SELENBP1: variants seen among roughly 807,000 people sequenced by gnomAD.
The protein encoded by SELENBP1 is selenium binding protein 1.
In SELENBP1, 71 loss-of-function variants were observed where a neutral mutation model predicts 61.0. The ratio of observed to expected loss-of-function variants is 1.16; its 90% CI spans 0.96 to 1.42. The LOEUF is 1.42. SELENBP1 is among the 40% of genes most tolerant of loss of function. The probability of loss-of-function intolerance (pLI) is 0.00; values close to 1 mark genes in which losing one functional copy is unlikely to be tolerated. For synonymous variants in SELENBP1, 270 were observed against 238.9 expected, an observed-to-expected ratio of 1.13 and a Z score of -1.20; for missense variants, 561 against 605.0, an observed-to-expected ratio of 0.93 and a Z score of 0.76.
At position 151,364,695 on chromosome 1, in the gene SELENBP1, C is replaced by T; in HGVS notation, c.1267G>A (p.Val423Met). ...FYPDLIREGS[V>M]MLQVDVDTVK... is the part of the protein sequence containing the mutation. ...GTGTCTACATCAACCTGCAGCATCA[C>T]AGAGCCTTCCCTGGTGGAAAAGGGA... The change falls in exon 12 of 12, where the codon GTG becomes ATG. Residue 423 changes from valine (V) to methionine (M), a missense_variant. Transcript: ENST00000368868. The T allele has an allele frequency of 1.3e-6, 2 of 1,586,314 alleles. No homozygotes were observed. Among genetic ancestry groups the T allele is most frequent in the Non-Finnish European group, 1.7e-6 (2 of 1,164,426 alleles).
At chr1:151,364,780 C>T (rs1479461877) in intron 11 of SELENBP1, 75 bp from the exon 12 acceptor site, 1 of 1,520,520 alleles carries the variant, frequency 6.6e-7, no homozygotes. Context: ...TAGGGGAAAG[C>T]TCCTGAGGAA....
chr1:151,366,313 C>T lies in SELENBP1; in HGVS notation c.805G>A (p.Ala269Thr), dbSNP rs368639322. The change falls in exon 7 of 12, where the codon GCA becomes ACA. Residue 269 changes from alanine to threonine, a missense_variant. By Grantham distance (58) the Ala-to-Thr change is moderately conservative. Coordinates refer to ENST00000368868, the MANE Select transcript of SELENBP1 (RefSeq NM_003944.4). The part of the protein sequence containing the change: ...PDAAQGFVGC[A>T]LSSTIQRFYK... Reference sequence around the variant, plus strand: ...AAGCGCTGGATGGTGGAGCTGAGTGCGCAGCCCACAAAGCCTTGGGCAGCG... The same window carrying T: ...AAGCGCTGGATGGTGGAGCTGAGTGTGCAGCCCACAAAGCCTTGGGCAGCG... 261 of 1,614,038 alleles carry T rather than the reference C, an allele frequency of 1.6e-4. 1 individual carries two copies. Among genetic ancestry groups the T allele is most frequent in the Middle Eastern group, 1.2e-3 (7 of 5,994 alleles).
In SELENBP1 at chr1:151,364,724, G is replaced by C; in HGVS notation, c.1257-19C>G. The C allele has an allele frequency of 1.3e-6, 2 of 1,560,458 alleles. No individual in the cohort carries two copies. The highest frequency in any genetic ancestry group is 1.2e-5 in the South Asian group (1 of 81,520). On this transcript the variant is annotated intron_variant, in intron 11 of 11. Transcript: ENST00000368868. ...GCCTTCCCTGGTGGAAAAGGGAATG[G>C]GGTAAGGGAGAGGTCAGAGGTGGCT... is the stretch of plus-strand genomic sequence containing the variant.
In SELENBP1 at chr1:151,369,103, G is replaced by A. The variant is rs1193716134; in HGVS notation, c.261C>T (p.Ser87=). 9.9e-6 allele frequency: 16 copies of A among 1,613,952 alleles called. 1 individual carries two copies. In the East Asian group the frequency reaches 3.3e-4, roughly 34 times the overall value. Reference sequence around the variant, plus strand: ...GCACCAGCTTGGTGCGCGACTTGGTGCTATCACCGAAGCAGCTGCTGCAGG... The same window carrying A: ...GCACCAGCTTGGTGCGCGACTTGGTACTATCACCGAAGCAGCTGCTGCAGG... ...WNTCSSCFGD[S]TKSRTKLVLP... Residue 87 remains serine, a synonymous_variant, in exon 4 of 12, where the codon AGC becomes AGT. Transcript: ENST00000368868.
Position 151,368,991 on chromosome 1 carries a change from G to A in SELENBP1, c.360+13C>T. 1 of 1,601,220 alleles carries A rather than the reference G, an allele frequency of 6.2e-7. No homozygotes were observed. The highest frequency in any genetic ancestry group is 8.5e-7 in the Non-Finnish European group (1 of 1,170,052). On this transcript the variant is annotated intron_variant, in intron 4 of 11. Coordinates refer to ENST00000368868, the MANE Select transcript of SELENBP1 (RefSeq NM_003944.4). ...CTTATGGTCTACTGAGCTGGCAAGG[G>A]CAGAGGACATGCCTTGTGCAGCTTT...
In SELENBP1 at chr1:151,364,995, C is replaced by A. The variant is rs763840951; in HGVS notation, c.1187G>T (p.Gly396Val). 2.5e-6 allele frequency: 4 copies of A among 1,613,030 alleles called. No individual in the cohort carries two copies. The Admixed American group carries it at 6.7e-5, about 27-fold the overall frequency. The change falls in exon 11 of 12, where the codon GGG becomes GTG. Residue 396 changes from glycine (G) to valine (V), a missense_variant. By Grantham distance (109) the Gly-to-Val change is moderately radical. Coordinates refer to ENST00000368868, the MANE Select transcript of SELENBP1 (RefSeq NM_003944.4). ...CGACGTGGTGATGTAGAGGCGCTTCCCATCCAGGCTGAGCTGGATCATCTG... is the reference window on the plus strand; with the variant it reads ...CGACGTGGTGATGTAGAGGCGCTTCACATCCAGGCTGAGCTGGATCATCTG... ...GPQMIQLSLD[G>V]KRLYITTSLY...
chr1:151,365,644 G>A lies in SELENBP1; in HGVS notation c.963C>T (p.Phe321=), dbSNP rs1309301454. The A allele has an allele frequency of 2.5e-6, 4 of 1,614,060 alleles. No individual in the cohort carries two copies. Among genetic ancestry groups the A allele is most frequent in the Non-Finnish European group, 3.4e-6 (4 of 1,180,044 alleles). ...TDILLSLDDR[F]LYFSNWLHGD... is the part of the protein sequence containing the mutation. ...CATGCAGCCAGTTGCTGAAGTAGAG[G>A]AAGCGGTCGTCCAGGGAGAGCAGGA... is the stretch of plus-strand genomic sequence containing the variant. Residue 321 remains phenylalanine (F), a synonymous_variant, in exon 9 of 12, where the codon TTC becomes TTT. Transcript: ENST00000368868.
chr1:151,364,681 A>G lies in SELENBP1; in HGVS notation c.1281T>C (p.Val427=). 1 of 1,599,180 alleles carries G rather than the reference A, an allele frequency of 6.3e-7. No individual in the cohort carries two copies. Residue 427 remains valine (V), a synonymous_variant, in exon 12 of 12, where the codon GTT becomes GTC. Transcript: ENST00000368868. ...LIREGSVMLQ[V]DVDTVKGGLK... The stretch of plus-strand genomic sequence containing the variant: ...GCCCTCCTTTTACTGTGTCTACATC[A>G]ACCTGCAGCATCACAGAGCCTTCCC...
Position 151,369,509 on chromosome 1 carries a change from G to A in SELENBP1, c.107C>T (p.Thr36Ile). The A allele has an allele frequency of 6.2e-7, 1 of 1,612,276 alleles. No individual in the cohort carries two copies. Among genetic ancestry groups the A allele is most frequent in the Non-Finnish European group, 8.5e-7 (1 of 1,179,360 alleles). Residue 36 changes from threonine to isoleucine, a missense_variant, in exon 3 of 12, where the codon ACA becomes ATA. Thr to Ile is a moderately conservative substitution (Grantham distance 89, BLOSUM62 -1). Transcript: ENST00000368868. ...CAGATAATCTGGGGCCTCAGTGCCT[G>A]TGTTTCGGTAAATGCAGGGCAGGTA... is the stretch of plus-strand genomic sequence containing the variant. ...IVYLPCIYRN[T>I]GTEAPDYLAT...
chr1:151,366,446 G>T lies in SELENBP1; in HGVS notation c.672C>A (p.Tyr224Ter), dbSNP rs1447486904. 3 of 1,613,302 alleles carry T rather than the reference G, an allele frequency of 1.9e-6. No homozygotes were observed. Among genetic ancestry groups the T allele is most frequent in the East Asian group, 2.2e-5 (1 of 44,898 alleles). Residue 224 changes from tyrosine to a stop codon, truncating the protein, a stop_gained, in exon 7 of 12, where the codon TAC becomes TAA. Coordinates refer to ENST00000368868, the MANE Select transcript of SELENBP1 (RefSeq NM_003944.4). LOFTEE classifies it high-confidence loss of function. Reference protein sequence around the residue: ...FNPADVEAGLYGSHLYVWDWQ... With the variant: ...FNPADVEAGL ...AGTCCCATACATATAAGTGGCTCCC[G>T]TACAGTCCTGGGGTGGGAGTGGGGC...
At position 151,364,534 on chromosome 1, in the gene SELENBP1, G is replaced by A; in HGVS notation, c.*9C>T. The A allele has an allele frequency of 6.2e-7, 1 of 1,613,890 alleles. No individual in the cohort carries two copies. Among genetic ancestry groups the A allele is most frequent in the Non-Finnish European group, 8.5e-7 (1 of 1,179,904 alleles). On this transcript the variant is annotated 3_prime_UTR_variant, in exon 12 of 12. Coordinates refer to ENST00000368868, the MANE Select transcript of SELENBP1 (RefSeq NM_003944.4). ...CCAAAATAGGGAGTGTGGGTGATGAGGGTGGAGTTCAAATCCAGATGTCAG... is the reference window on the plus strand; with the variant it reads ...CCAAAATAGGGAGTGTGGGTGATGAAGGTGGAGTTCAAATCCAGATGTCAG...
At chr1:151,369,309 C>G in intron 3 of SELENBP1, 120 bp from the exon 4 acceptor site, 3 of 1,443,216 alleles carry the variant, frequency 2.1e-6, no homozygotes, top group Non-Finnish European at 2.9e-6. Context: ...CAGCACTCCC[C>G]TTGTCCCAGG....
chr1:151,370,345 CA>C (rs1652081237), intron 1 of SELENBP1: 1 of 168,862 alleles, frequency 5.9e-6, no homozygotes, highest in Non-Finnish European at 1.4e-5. Flanking sequence ...GCTTCTATAT[CA>C]GGGGGAGGCC....
At chr1:151,368,445 C>T in intron 4 of SELENBP1, 126 bp from the exon 5 acceptor site, 1 of 1,307,264 alleles carries the variant, frequency 7.6e-7, no homozygotes, top group Non-Finnish European at 1.1e-6. Context: ...GGACACAACT[C>T]TCCCTGTGGG....
At position 151,369,721 on chromosome 1, in the gene SELENBP1, G is replaced by C. The variant is rs1319645064; in HGVS notation, c.53C>G (p.Ala18Gly). Reference protein sequence around the residue: ...CGPGYSTPLEAMKGPREEIVY... With the variant: ...CGPGYSTPLEGMKGPREEIVY... Reference sequence around the variant, plus strand: ...AGACCATGGGCAATTACCTTTCATGGCCTCCAGAGGGGTGGAGTAGCCGGG... The same window carrying C: ...AGACCATGGGCAATTACCTTTCATGCCCTCCAGAGGGGTGGAGTAGCCGGG... The change falls in exon 2 of 12, where the codon GCC becomes GGC. Residue 18 changes from alanine to glycine, a missense_variant. Ala to Gly is a moderately conservative substitution (Grantham distance 60). Transcript: ENST00000368868. 2 of 1,552,362 alleles carry C rather than the reference G, an allele frequency of 1.3e-6. No individual in the cohort carries two copies. The highest frequency in any genetic ancestry group is 2.4e-5 in the South Asian group (2 of 84,076).
Position 151,364,315 on chromosome 1 carries a change from G to A in SELENBP1, c.*228C>T. The A allele has an allele frequency of 1.8e-6, 1 of 567,000 alleles. No individual in the cohort carries two copies. Among genetic ancestry groups the A allele is most frequent in the East Asian group, 3.1e-5 (1 of 32,246 alleles). 35.1% of individuals were successfully genotyped at this position (567,000 alleles called of 1,614,324 possible). ...AAGACAAGGCCATCTGAAGGACAGG[G>A]TTACGAGTTTATTTCTTGGTGCCTC... On this transcript the variant is annotated 3_prime_UTR_variant, in exon 12 of 12. Coordinates refer to ENST00000368868, the MANE Select transcript of SELENBP1 (RefSeq NM_003944.4).
intron 9 of SELENBP1, 100 bp from the exon 10 acceptor site, chr1:151,365,381 A>G: frequency 6.8e-7 from 1 of 1,465,978 alleles, no homozygotes; most frequent in African/African-American, 1.4e-5. Flanking sequence ...CTCCTTTCAG[A>G]CATGCTCTGC....
intron 1 of SELENBP1, among the ~76,000 whole-genome samples, chr1:151,371,580 A>G (rs1319027906): frequency 2.0e-5 from 3 of 152,014 alleles, no homozygotes; most frequent in African/African-American, 4.8e-5. Context: ...CTGTTACACA[A>G]TCTTGCTAAG....
Position 151,368,195 on chromosome 1 carries a change from G to A in SELENBP1, c.481+4C>T, listed in dbSNP as rs367725513. ...TTTCATGAGCACACAGTGCTGGCAG[G>A]TACCTTTGCCATTGCCCTTGACGTC... On this transcript the variant is annotated splice_donor_region_variant and intron_variant, in intron 5 of 11. Coordinates refer to ENST00000368868, the MANE Select transcript of SELENBP1 (RefSeq NM_003944.4). 2 of 1,613,844 alleles carry A rather than the reference G, an allele frequency of 1.2e-6. No individual in the cohort carries two copies. Among genetic ancestry groups the A allele is most frequent in the African/African-American group, 1.3e-5 (1 of 75,012 alleles).
Sources: gnomAD v4.1 joint callset for allele counts (sites outside exome capture counted in the v4.1 genomes callset) on GRCh38, gnomAD v4.1.1 for gene constraint, MANE v1.5 for transcripts, NCBI Gene and HGNC (gene_info 2026-07-23, HGNC 2026-07-21) for gene names.